Variants in SLMAP observed in about 807,000 individuals in gnomAD.
The protein encoded by SLMAP is sarcolemma associated protein.
A neutral mutation model predicts 128.8 loss-of-function variants in SLMAP; 44 were observed. The observed-to-expected ratio is 0.34, with a 90% CI of 0.27 to 0.44. The LOEUF is 0.44. Ranked by LOEUF, SLMAP falls within the 20% of genes least tolerant of loss-of-function variation. SLMAP has a pLI of 1.00. For synonymous variants in SLMAP, 327 were observed against 348.8 expected, an observed-to-expected ratio of 0.94 and a Z score of 0.70; for missense variants, 787 against 985.3, an observed-to-expected ratio of 0.80 and a Z score of 2.69.
intron 4 of SLMAP, among the ~76,000 whole-genome samples, chr3:57,843,305 C>CTTTTTTTTTTTTTTTTTTTTTTTTCTTTT (rs2094046520): frequency 1.1e-5 from 1 of 92,112 alleles, no homozygotes; most frequent in African/African-American, 4.5e-5. Flanking sequence ...CTTTCTTTTC[C>CTTTTTTTTTTTTTTTTTTTTTTTTCTTTT]TTTTTTTTTT....
At chr3:57,793,945 T>C (rs567875677) in intron 2 of SLMAP, among the ~76,000 whole-genome samples, 1 of 151,380 alleles carries the variant, frequency 6.6e-6, no homozygotes, top group Admixed American at 6.6e-5. Context: ...TGTATTCCTG[T>C]AGCCCCAGCT....
Position 57,846,129 on chromosome 3 carries a change from T to A in SLMAP, c.420-1068T>A, listed in dbSNP as rs1057433691. 4.4e-4 allele frequency among the ~76,000 whole-genome samples: 67 copies of A among 152,326 alleles called. 1 individual carries two copies. The highest frequency in any genetic ancestry group is 1.5e-3 in the African/African-American group (61 of 41,586). ...TCCTGGGATTACAGGTGTGAGCCAC[T>A]GTGCCTGACTCGATTATCTCATTTT... On this transcript the variant is annotated intron_variant, in intron 4 of 24. Transcript: ENST00000671191.
At chr3:57,792,085 T>G (rs907348938) in intron 2 of SLMAP, among the ~76,000 whole-genome samples, 4 of 152,154 alleles carry the variant, frequency 2.6e-5, no homozygotes, top group African/African-American at 4.8e-5. Context: ...GACATTTATC[T>G]TTAACAACAG....
intron 2 of SLMAP, among the ~76,000 whole-genome samples, chr3:57,811,729 C>T (rs34116897): frequency 0.029 from 4,471 of 152,242 alleles, 92 homozygotes; most frequent in Middle Eastern, 0.048. Context: ...CCAATTTCTC[C>T]ACATCTTTGC....
chr3:57,852,459 C>T (rs1051916270), intron 6 of SLMAP, among the ~76,000 whole-genome samples: 4 of 152,122 alleles, frequency 2.6e-5, no homozygotes, highest in Non-Finnish European at 5.9e-5. Context: ...AGTTGTTTAA[C>T]CCTTTTGTGC....
chr3:57,899,253 G>A (rs889030545), intron 17 of SLMAP: 2 of 152,060 alleles, frequency 1.3e-5, no homozygotes, highest in African/African-American at 2.4e-5. Flanking sequence ...TCACAATATA[G>A]CCTGGGAAGT....
chr3:57,841,280 A>G lies in SLMAP; in HGVS notation c.347-19A>G. 1 of 1,475,346 alleles carries G rather than the reference A, an allele frequency of 6.8e-7. No individual in the cohort carries two copies. The highest frequency in any genetic ancestry group is 1.2e-5 in the South Asian group (1 of 84,246). 91.4% of individuals were successfully genotyped at this position (1,475,346 alleles called of 1,614,324 possible). Reference sequence around the variant, plus strand: ...TTTAAACAATTATTTCATCCATATTATTTGTTTGTTTCAACCAGTTACCCA... The same window carrying G: ...TTTAAACAATTATTTCATCCATATTGTTTGTTTGTTTCAACCAGTTACCCA... On this transcript the variant is annotated intron_variant, in intron 3 of 24. Coordinates refer to ENST00000671191, the MANE Select transcript of SLMAP (RefSeq NM_001377540.1).
intron 14 of SLMAP, among the ~76,000 whole-genome samples, chr3:57,876,876 T>A (rs1251103668): frequency 6.6e-6 from 1 of 152,184 alleles, no homozygotes; most frequent in African/African-American, 2.4e-5. Flanking sequence ...TTGATTTCTT[T>A]TGCTACTGTC....
chr3:57,861,609 G>A (rs990264028), intron 9 of SLMAP, among the ~76,000 whole-genome samples: 7 of 152,044 alleles, frequency 4.6e-5, no homozygotes, highest in Admixed American at 3.3e-4. Context: ...TATTAAACTT[G>A]CTTTCAAGGA....
At chr3:57,869,629 A>ATT (rs1387471909) in intron 13 of SLMAP, among the ~76,000 whole-genome samples, 29 of 34,958 alleles carry the variant, frequency 8.3e-4, no homozygotes, top group Admixed American at 2.6e-3. Context: ...TCCCATCTCT[A>ATT]TTATATATAT....
chr3:57,785,507 G>T (rs534422147), intron 2 of SLMAP, among the ~76,000 whole-genome samples: 48 of 152,280 alleles, frequency 3.2e-4, no homozygotes, highest in African/African-American at 1.1e-3. Context: ...AAATTATCAT[G>T]ATTTAAAGTT....
In SLMAP at chr3:57,871,634, A is replaced by G; in HGVS notation, c.1238-2A>G. 6.2e-7 allele frequency: 1 copy of G among 1,611,364 alleles called. No individual in the cohort carries two copies. ...CCTTAAAGGTGTTTCTTTCTTTATTAGAGCACTTGCTTTCAAAGAGTGGCG... is the reference window on the plus strand; with the variant it reads ...CCTTAAAGGTGTTTCTTTCTTTATTGGAGCACTTGCTTTCAAAGAGTGGCG... On this transcript the variant is annotated splice_acceptor_variant, in intron 13 of 24. Coordinates refer to ENST00000671191, the MANE Select transcript of SLMAP (RefSeq NM_001377540.1). LOFTEE classifies it high-confidence loss of function.
At chr3:57,919,454 T>C (rs2096874055) in intron 22 of SLMAP, among the ~76,000 whole-genome samples, 1 of 151,976 alleles carries the variant, frequency 6.6e-6, no homozygotes, top group South Asian at 2.1e-4. Context: ...TATATTTGAC[T>C]TTAGAAAGCA....
intron 2 of SLMAP, among the ~76,000 whole-genome samples, chr3:57,771,788 G>A (rs1007839638): frequency 5.3e-5 from 8 of 152,066 alleles, no homozygotes; most frequent in Non-Finnish European, 1.2e-4. Context: ...TTTTGAATGC[G>A]TGAAACTTTT....
At chr3:57,788,614 C>G (rs930171772) in intron 2 of SLMAP, among the ~76,000 whole-genome samples, 1 of 152,144 alleles carries the variant, frequency 6.6e-6, no homozygotes, top group African/African-American at 2.4e-5. Context: ...AAAAAGAAGG[C>G]AGACTTAAAA....
chr3:57,844,120 A>G (rs1205435310), intron 4 of SLMAP, among the ~76,000 whole-genome samples: 2 of 149,684 alleles, frequency 1.3e-5, no homozygotes, highest in African/African-American at 4.9e-5. Context: ...GGCCTGGCGC[A>G]GGTGGCTCGT....
At chr3:57,853,090 A>G (rs1197115532) in intron 6 of SLMAP, among the ~76,000 whole-genome samples, 1 of 152,246 alleles carries the variant, frequency 6.6e-6, no homozygotes, top group Admixed American at 6.5e-5. Context: ...AGGTGAAATT[A>G]CACCATCTAG....
chr3:57,825,357 A>G (rs1004453681), intron 2 of SLMAP, among the ~76,000 whole-genome samples: 3 of 151,862 alleles, frequency 2.0e-5, no homozygotes, highest in Non-Finnish European at 2.9e-5. Flanking sequence ...ATTGAGTATT[A>G]TGTTAGCTGT....
chr3:57,830,473 A>C (rs1441705138), intron 2 of SLMAP, among the ~76,000 whole-genome samples: 1 of 152,176 alleles, frequency 6.6e-6, no homozygotes, highest in Non-Finnish European at 1.5e-5. Flanking sequence ...GTGTAGAAAA[A>C]TCGAAAAAGA....
Sources: gnomAD v4.1 joint callset for allele counts (sites outside exome capture counted in the v4.1 genomes callset) on GRCh38, gnomAD v4.1.1 for gene constraint, MANE v1.5 for transcripts, NCBI Gene and HGNC (gene_info 2026-07-23, HGNC 2026-07-21) for gene names.